Variants in MAD1L1 observed in about 807,000 individuals in gnomAD.
MAD1L1 encodes mitotic spindle assembly checkpoint protein MAD1.
Under a neutral mutation model 96.9 loss-of-function variants are expected in MAD1L1, and 95 were observed. That is an observed-to-expected ratio of 0.98 (90% CI 0.83 to 1.16). The LOEUF is 1.16. MAD1L1 is among the 50% of genes most tolerant of loss of function. The probability of loss-of-function intolerance (pLI) is 0.00; values close to 1 mark genes in which losing one functional copy is unlikely to be tolerated. For missense variants in MAD1L1, 1,007 were observed against 954.4 expected (o/e 1.06, Z -0.73); for synonymous variants, 473 against 396.6 (o/e 1.19, Z -2.29).
At chr7:1,955,482 G>A (rs1480494017) in intron 16 of MAD1L1, among the ~76,000 whole-genome samples, 1 of 152,188 alleles carries the variant, frequency 6.6e-6, no homozygotes, top group African/African-American at 2.4e-5. Flanking sequence ...GTAGAGGCAG[G>A]GTTTCACCAT....
At chr7:1,889,588 C>A (rs1233468862) in intron 18 of MAD1L1, among the ~76,000 whole-genome samples, 1 of 152,134 alleles carries the variant, frequency 6.6e-6, no homozygotes, top group Non-Finnish European at 1.5e-5. Context: ...CTCCTATGTT[C>A]CCTGCAACGC....
At chr7:2,042,357 A>G (rs1020091878) in intron 12 of MAD1L1, among the ~76,000 whole-genome samples, 2 of 152,222 alleles carry the variant, frequency 1.3e-5, no homozygotes, top group African/African-American at 4.8e-5. Context: ...ACACATGGGC[A>G]CACAGGCACA....
intron 11 of MAD1L1, among the ~76,000 whole-genome samples, chr7:2,128,427 G>A (rs1261275580): frequency 2.0e-5 from 3 of 152,076 alleles, no homozygotes; most frequent in Non-Finnish European, 4.4e-5. Flanking sequence ...TGAAACACTC[G>A]CTCATCAGCA....
chr7:2,224,139 G>A (rs746163696), intron 4 of MAD1L1, among the ~76,000 whole-genome samples: 5 of 152,138 alleles, frequency 3.3e-5, no homozygotes, highest in Non-Finnish European at 7.4e-5. Flanking sequence ...GGGCAGAGTC[G>A]GGTGGGCCCT....
chr7:1,902,558 C>T lies in MAD1L1; in HGVS notation c.1808-4168G>A, dbSNP rs924294578. On this transcript the variant is annotated intron_variant, in intron 17 of 18. Transcript: ENST00000265854. Reference sequence around the variant, plus strand: ...CAAGCAGAGAACCTTTTAAAGGTACCGACGGATCTTAGGAGTGCAGCCCCA... The same window carrying T: ...CAAGCAGAGAACCTTTTAAAGGTACTGACGGATCTTAGGAGTGCAGCCCCA... Among the ~76,000 whole-genome samples, 17 of 152,332 alleles carry T rather than the reference C, an allele frequency of 1.1e-4. 1 individual carries two copies. The South Asian group carries it at 1.7e-3, about 15-fold the overall frequency.
intron 18 of MAD1L1, among the ~76,000 whole-genome samples, chr7:1,876,761 T>G (rs4719336): frequency 6.7e-6 from 1 of 148,938 alleles, no homozygotes; most frequent in African/African-American, 2.5e-5. Flanking sequence ...AAGGACATCT[T>G]GCTCCTACCC....
intron 15 of MAD1L1, among the ~76,000 whole-genome samples, chr7:1,978,609 A>G (rs943214568): frequency 6.7e-6 from 1 of 149,800 alleles, no homozygotes; most frequent in African/African-American, 2.5e-5. Flanking sequence ...AGCTTCCCCC[A>G]CCCCACACCC....
At chr7:1,853,307 C>T (rs1273448613) in intron 18 of MAD1L1, among the ~76,000 whole-genome samples, 1 of 152,196 alleles carries the variant, frequency 6.6e-6, no homozygotes, top group Non-Finnish European at 1.5e-5. Flanking sequence ...GCGTGTGGAG[C>T]TGACACCTGC....
chr7:1,858,657 C>T (rs1231686978), intron 18 of MAD1L1, among the ~76,000 whole-genome samples: 3 of 152,228 alleles, frequency 2.0e-5, no homozygotes, highest in Non-Finnish European at 2.9e-5. Flanking sequence ...GCAGGGCAGA[C>T]TGGGATAGTG....
At chr7:1,976,101 C>A (rs1780624924) in intron 15 of MAD1L1, among the ~76,000 whole-genome samples, 1 of 152,210 alleles carries the variant, frequency 6.6e-6, no homozygotes, top group Non-Finnish European at 1.5e-5. Flanking sequence ...ATGTCATTCA[C>A]ATACAACAAA....
At chr7:2,111,670 T>G (rs1431817364) in intron 11 of MAD1L1, among the ~76,000 whole-genome samples, 2 of 152,134 alleles carry the variant, frequency 1.3e-5, no homozygotes, top group East Asian at 3.9e-4. Flanking sequence ...TGACGCCAGG[T>G]TGGGGCCAGC....
At chr7:2,102,829 C>T (rs887518007) in intron 11 of MAD1L1, among the ~76,000 whole-genome samples, 2 of 152,246 alleles carry the variant, frequency 1.3e-5, no homozygotes, top group African/African-American at 2.4e-5. Flanking sequence ...CTCAGGACCA[C>T]TCTCCACGCC....
At chr7:2,190,492 T>C (rs534397760) in intron 10 of MAD1L1, among the ~76,000 whole-genome samples, 3 of 152,308 alleles carry the variant, frequency 2.0e-5, no homozygotes, top group East Asian at 3.9e-4. Context: ...TAAAAGTTTT[T>C]ACCCTTCAAA....
At chr7:1,871,130 AAC>A (rs1298456745) in intron 18 of MAD1L1, among the ~76,000 whole-genome samples, 1 of 144,382 alleles carries the variant, frequency 6.9e-6, no homozygotes, top group African/African-American at 2.6e-5. Flanking sequence ...CACTGAACCC[AAC>A]ATACGCCTGC....
intron 13 of MAD1L1, among the ~76,000 whole-genome samples, chr7:2,009,408 G>T (rs978764941): frequency 2.0e-5 from 3 of 152,140 alleles, no homozygotes; most frequent in Admixed American, 6.5e-5. Flanking sequence ...CAGCCCCACC[G>T]GTGGTCATGG....
intron 10 of MAD1L1, among the ~76,000 whole-genome samples, chr7:2,151,615 C>T (rs1202491031): frequency 1.3e-5 from 2 of 152,254 alleles, no homozygotes; most frequent in African/African-American, 2.4e-5. Context: ...AAGCTTCTTG[C>T]CCCAAGGTAC....
intron 17 of MAD1L1, among the ~76,000 whole-genome samples, chr7:1,931,144 C>A (rs1479459371): frequency 9.5e-6 from 1 of 105,636 alleles, no homozygotes; most frequent in African/African-American, 4.0e-5. Context: ...GTGGGAACAC[C>A]CCCAACTCCT....
At chr7:2,061,620 G>C (rs967117316) in intron 12 of MAD1L1, among the ~76,000 whole-genome samples, 4 of 152,202 alleles carry the variant, frequency 2.6e-5, no homozygotes, top group African/African-American at 9.7e-5. Flanking sequence ...TCTGGCGGGG[G>C]TGGCAGCCCC....
chr7:2,076,844 C>G (rs895436632), intron 11 of MAD1L1, among the ~76,000 whole-genome samples: 1 of 150,252 alleles, frequency 6.7e-6, no homozygotes, highest in Non-Finnish European at 1.5e-5. Flanking sequence ...CACGGTCAGC[C>G]TGAGACGGTT....
Sources: gnomAD v4.1 joint callset for allele counts (sites outside exome capture counted in the v4.1 genomes callset) on GRCh38, gnomAD v4.1.1 for gene constraint, MANE v1.5 for transcripts, NCBI Gene and HGNC (gene_info 2026-07-23, HGNC 2026-07-21) for gene names.